The following CHRM2 variants were observed in gnomAD, a reference collection of about 807,000 sequenced individuals.
The protein encoded by CHRM2 is cholinergic receptor muscarinic 2, also known as muscarinic acetylcholine receptor M2.
In CHRM2, 8 loss-of-function variants were observed where a neutral mutation model predicts 25.0. That is an observed-to-expected ratio of 0.32 (90% CI 0.19 to 0.58). The LOEUF is 0.58. CHRM2 is among the 20% of genes least tolerant of loss of function. The probability of loss-of-function intolerance (pLI) is 0.88; values close to 1 mark genes in which losing one functional copy is unlikely to be tolerated. For synonymous variants in CHRM2, 202 were observed against 205.7 expected, an observed-to-expected ratio of 0.98 and a Z score of 0.15; for missense variants, 440 against 567.1, an observed-to-expected ratio of 0.78 and a Z score of 2.28.
intron 2 of CHRM2, among the ~76,000 whole-genome samples, chr7:136,909,504 G>A (rs1797727204): frequency 6.6e-6 from 1 of 151,888 alleles, no homozygotes; most frequent in Non-Finnish European, 1.5e-5. Flanking sequence ...GGCAAAAAGA[G>A]TTCAGATAAC....
intron 2 of CHRM2, among the ~76,000 whole-genome samples, chr7:136,896,068 G>A (rs998087704): frequency 6.6e-6 from 1 of 152,074 alleles, no homozygotes; most frequent in African/African-American, 2.4e-5. Flanking sequence ...AATGCAAAAA[G>A]GAAATGAAAG....
chr7:136,995,458 A>G (rs1343781041), intron 3 of CHRM2, among the ~76,000 whole-genome samples: 1 of 152,214 alleles, frequency 6.6e-6, no homozygotes, highest in Non-Finnish European at 1.5e-5. Flanking sequence ...TATTTATAAC[A>G]GACCAATAAC....
At chr7:137,007,491 T>C (rs1804523901) in intron 3 of CHRM2, among the ~76,000 whole-genome samples, 1 of 152,092 alleles carries the variant, frequency 6.6e-6, no homozygotes, top group African/African-American at 2.4e-5. Context: ...CCACAACTGC[T>C]GTTGTAGTGA....
chr7:136,974,562 C>A (rs1801992596), intron 2 of CHRM2, among the ~76,000 whole-genome samples: 1 of 152,008 alleles, frequency 6.6e-6, no homozygotes, highest in African/African-American at 2.4e-5. Flanking sequence ...CACAAAAACA[C>A]AGAGGCTCGA....
intron 3 of CHRM2, among the ~76,000 whole-genome samples, chr7:136,992,518 G>C (rs889802683): frequency 9.2e-5 from 14 of 152,078 alleles, no homozygotes; most frequent in African/African-American, 3.4e-4. Context: ...AAATCAAGTT[G>C]ATTCAACTTG....
intron 2 of CHRM2, among the ~76,000 whole-genome samples, chr7:136,913,598 A>C (rs1330887819): frequency 6.6e-6 from 1 of 151,936 alleles, no homozygotes; most frequent in East Asian, 1.9e-4. Context: ...ACCAAAACCT[A>C]ATCACCAAAA....
intron 2 of CHRM2, among the ~76,000 whole-genome samples, chr7:136,873,431 C>T (rs1187069015): frequency 6.6e-6 from 1 of 152,212 alleles, no homozygotes; most frequent in Non-Finnish European, 1.5e-5. Flanking sequence ...TTTAGCCTCA[C>T]TGCTTAAAAT....
At chr7:136,897,422 A>T (rs1796964394) in intron 2 of CHRM2, among the ~76,000 whole-genome samples, 1 of 152,110 alleles carries the variant, frequency 6.6e-6, no homozygotes, top group African/African-American at 2.4e-5. Context: ...TTCAACTCAC[A>T]CTTGTTCCCA....
Position 137,019,241 on chromosome 7 carries a change from C to A in CHRM2, c.*2975C>A, listed in dbSNP as rs1231654477. The stretch of plus-strand genomic sequence containing the variant: ...TCACCTGTTAGAAAAAGGTAATACT[C>A]ACCAACCATGTATCAGAAAAACTTT... On this transcript the variant is annotated 3_prime_UTR_variant, in exon 4 of 4. Transcript: ENST00000680005. 6.6e-6 allele frequency: 1 copy of A among 151,866 alleles called. No individual in the cohort carries two copies. The highest frequency in any genetic ancestry group is 2.4e-5 in the African/African-American group (1 of 41,406). The allele number at this position is 151,866 out of a possible 1,614,324, so 9.4% of individuals were successfully genotyped here.
intron 2 of CHRM2, among the ~76,000 whole-genome samples, chr7:136,911,005 G>A (rs531637513): frequency 2.0e-5 from 3 of 151,786 alleles, no homozygotes; most frequent in Non-Finnish European, 2.9e-5. Flanking sequence ...GTCACTTACA[G>A]AGAAAACTAG....
chr7:136,924,191 TC>T (rs1186074825), intron 2 of CHRM2, among the ~76,000 whole-genome samples: 1 of 152,148 alleles, frequency 6.6e-6, no homozygotes, highest in East Asian at 1.9e-4. Context: ...ACACATTATT[TC>T]TTTTTTTTTC....
rs541341200 is a variant in CHRM2, at chr7:136,983,413, CCTTCTGAGGTCTA to C, written c.-124-8767_-124-8755del. On this transcript the variant is annotated intron_variant, in intron 2 of 3. Transcript: ENST00000680005. ...GCTTGGAGGACTTTGTTATTACCCA[CCTTCTGAGGTCTA>C]CTTCTGTCTATTCATCAAACTCATT... Among the ~76,000 whole-genome samples, 658 of 152,256 alleles carry C rather than the reference CCTTCTGAGGTCTA, an allele frequency of 4.3e-3. 5 individuals carry two copies. The highest frequency in any genetic ancestry group is 5.7e-3 in the Non-Finnish European group (387 of 68,036).
chr7:136,952,034 C>A (rs938161639), intron 2 of CHRM2, among the ~76,000 whole-genome samples: 33 of 152,056 alleles, frequency 2.2e-4, no homozygotes, highest in African/African-American at 7.5e-4. Context: ...CGCCCTAGAC[C>A]CTCAAATGCT....
At chr7:136,975,198 A>G (rs985150086) in intron 2 of CHRM2, among the ~76,000 whole-genome samples, 3 of 152,176 alleles carry the variant, frequency 2.0e-5, no homozygotes, top group Non-Finnish European at 4.4e-5. Flanking sequence ...AAAGGTATAC[A>G]TCAGCCTATA....
intron 2 of CHRM2, chr7:136,901,868 T>C (rs777824799): frequency 6.6e-6 from 1 of 151,934 alleles, no homozygotes; most frequent in Non-Finnish European, 1.5e-5. Flanking sequence ...ACGCTGTTGG[T>C]GGTAAATTGT....
At chr7:137,005,650 C>T (rs1804371264) in intron 3 of CHRM2, among the ~76,000 whole-genome samples, 2 of 152,014 alleles carry the variant, frequency 1.3e-5, no homozygotes, top group African/African-American at 2.4e-5. Context: ...TCTCAGCTTC[C>T]AATGGGCACA....
intron 2 of CHRM2, among the ~76,000 whole-genome samples, chr7:136,939,878 G>A (rs970061780): frequency 2.0e-5 from 3 of 152,154 alleles, no homozygotes; most frequent in African/African-American, 7.2e-5. Context: ...TTCATTGCCA[G>A]TTAAACAATT....
chr7:136,970,728 T>A (rs1468074354), intron 2 of CHRM2, among the ~76,000 whole-genome samples: 1 of 152,194 alleles, frequency 6.6e-6, no homozygotes, highest in Non-Finnish European at 1.5e-5. Context: ...TATTTACTCT[T>A]CCTAAAACTT....
chr7:136,934,288 G>T (rs528334066), intron 2 of CHRM2, among the ~76,000 whole-genome samples: 1 of 151,946 alleles, frequency 6.6e-6, no homozygotes, highest in African/African-American at 2.4e-5. Flanking sequence ...GAACACTGTG[G>T]TAAGTCAGTC....
Sources: gnomAD v4.1 joint callset for allele counts (sites outside exome capture counted in the v4.1 genomes callset) on GRCh38, gnomAD v4.1.1 for gene constraint, MANE v1.5 for transcripts, NCBI Gene and HGNC (gene_info 2026-07-23, HGNC 2026-07-21) for gene names.